Variants in GXYLT1 observed in about 807,000 individuals in gnomAD.
GXYLT1 encodes the protein glycosyltransferase 8 domain containing 3.
Under a neutral mutation model 54.0 loss-of-function variants are expected in GXYLT1, and 29 were observed. The observed-to-expected ratio is 0.54, with a 90% CI of 0.40 to 0.73. The LOEUF is 0.73. GXYLT1 is among the 30% of genes least tolerant of loss of function. The probability of loss-of-function intolerance (pLI) is 0.00; values close to 1 mark genes in which losing one functional copy is unlikely to be tolerated. For missense variants in GXYLT1, 490 were observed against 553.4 expected (o/e 0.89, Z 1.15); for synonymous variants, 176 against 204.1 (o/e 0.86, Z 1.17).
chr12:42,089,124 T>G (rs2065314473), intron 7 of GXYLT1, among the ~76,000 whole-genome samples: 1 of 151,840 alleles, frequency 6.6e-6, no homozygotes, highest in African/African-American at 2.4e-5. Flanking sequence ...CGTCTAAAAT[T>G]GTTTTGAAGA....
intron 5 of GXYLT1, among the ~76,000 whole-genome samples, chr12:42,103,573 TA>T (rs1565568859): frequency 6.6e-6 from 1 of 152,046 alleles, no homozygotes; most frequent in Non-Finnish European, 1.5e-5. Context: ...TCAAGAAAAA[TA>T]AAAATATATG....
chr12:42,127,517 G>A (rs1022666973), intron 2 of GXYLT1, among the ~76,000 whole-genome samples: 1 of 152,156 alleles, frequency 6.6e-6, no homozygotes, highest in Non-Finnish European at 1.5e-5. Flanking sequence ...GAATACTTGG[G>A]AGCATTAGGA....
At position 42,104,571 on chromosome 12, in the gene GXYLT1, A is replaced by C. The variant is rs909643284; in HGVS notation, c.864+1247T>G. 2.7e-5 allele frequency among the ~76,000 whole-genome samples: 4 copies of C among 145,790 alleles called. No individual in the cohort carries two copies. In the East Asian group the frequency reaches 6.0e-4, roughly 22 times the overall value. On this transcript the variant is annotated intron_variant, in intron 5 of 7. Coordinates refer to ENST00000398675, the MANE Select transcript of GXYLT1 (RefSeq NM_173601.2). ...AAAGGGAAAGCTAAAAAAAAAAAAA[A>C]CTAAGTTTAAGATCAACAGAATAGA...
At chr12:42,099,821 G>A (rs911996224) in intron 5 of GXYLT1, among the ~76,000 whole-genome samples, 9 of 152,182 alleles carry the variant, frequency 5.9e-5, no homozygotes, top group Middle Eastern at 3.4e-3. Flanking sequence ...ACTGCACTCC[G>A]GCATGGGTAA....
At chr12:42,110,149 T>C (rs1432834156) in intron 3 of GXYLT1, among the ~76,000 whole-genome samples, 1 of 152,228 alleles carries the variant, frequency 6.6e-6, no homozygotes, top group Non-Finnish European at 1.5e-5. Context: ...AATGCATAGC[T>C]TTAATATGCC....
chr12:42,089,472 A>C (rs2065316817), intron 7 of GXYLT1, among the ~76,000 whole-genome samples: 1 of 152,188 alleles, frequency 6.6e-6, no homozygotes. Context: ...TGTACCCTAG[A>C]ACTTAAAGTA....
At chr12:42,129,395 G>C (rs564474438) in intron 2 of GXYLT1, among the ~76,000 whole-genome samples, 25 of 152,170 alleles carry the variant, frequency 1.6e-4, no homozygotes, top group African/African-American at 5.8e-4. Flanking sequence ...ATCCACTATA[G>C]TACACAAGCT....
At chr12:42,118,968 T>C (rs2136905154) in intron 3 of GXYLT1, 32 bp downstream of exon 3, 1 of 1,467,054 alleles carries the variant, frequency 6.8e-7, no homozygotes, top group Non-Finnish European at 9.3e-7. Context: ...AATATTCAAC[T>C]CTACAACCTT....
At chr12:42,091,436 A>G (rs1039162327) in intron 7 of GXYLT1, among the ~76,000 whole-genome samples, 52 of 152,314 alleles carry the variant, frequency 3.4e-4, no homozygotes, top group African/African-American at 1.3e-3. Context: ...TACTCAAAGG[A>G]AACAAAGGAA....
intron 1 of GXYLT1, among the ~76,000 whole-genome samples, chr12:42,131,630 A>G (rs2065594480): frequency 6.6e-6 from 1 of 152,252 alleles, no homozygotes; most frequent in Non-Finnish European, 1.5e-5. Context: ...ACATATCTTC[A>G]TTTAAAAGGC....
intron 1 of GXYLT1, among the ~76,000 whole-genome samples, chr12:42,135,992 G>C (rs1042133613): frequency 1.3e-5 from 2 of 152,122 alleles, no homozygotes; most frequent in Non-Finnish European, 2.9e-5. Context: ...GGAAATATAA[G>C]AACACATGCA....
intron 5 of GXYLT1, among the ~76,000 whole-genome samples, chr12:42,098,849 T>C (rs2065373663): frequency 6.7e-6 from 1 of 149,970 alleles, no homozygotes; most frequent in Admixed American, 6.7e-5. Flanking sequence ...TGTTCCTATG[T>C]ATGCTATTTC....
chr12:42,092,779 T>G (rs1266396525), intron 7 of GXYLT1, among the ~76,000 whole-genome samples: 1 of 152,150 alleles, frequency 6.6e-6, no homozygotes, highest in African/African-American at 2.4e-5. Flanking sequence ...GTGTCCAATC[T>G]TTTGGCTTCC....
intron 1 of GXYLT1, among the ~76,000 whole-genome samples, chr12:42,130,898 G>C (rs75638158): frequency 0.024 from 3,657 of 152,210 alleles, 146 homozygotes; most frequent in African/African-American, 0.084. Context: ...AATAAGCTGT[G>C]ACTGTGCTAC....
At chr12:42,118,545 A>C (rs963582315) in intron 3 of GXYLT1, among the ~76,000 whole-genome samples, 1 of 152,182 alleles carries the variant, frequency 6.6e-6, no homozygotes, top group Non-Finnish European at 1.5e-5. Flanking sequence ...CAGAATAAAT[A>C]TTTTTGTGCA....
intron 3 of GXYLT1, among the ~76,000 whole-genome samples, chr12:42,112,990 GAA>G (rs2065468460): frequency 6.6e-6 from 1 of 151,174 alleles, no homozygotes; most frequent in Non-Finnish European, 1.5e-5. Context: ...CATTCTTAAA[GAA>G]AAGTATTTTC....
At position 42,087,856 on chromosome 12, in the gene GXYLT1, T is replaced by C. The variant is rs1379921319; in HGVS notation, c.1253A>G (p.Tyr418Cys). ...TGCTAGTTGTTTGATAAATATTTTG[T>C]AAATTTTTCCACAGTATGTATGCAC... ...KTVHTYCGKI[Y>C]KIFIKQLAKS... Residue 418 changes from tyrosine (Y) to cysteine (C), a missense_variant, in exon 8 of 8, where the codon TAC becomes TGC. Tyr to Cys is a radical substitution (Grantham distance 194, BLOSUM62 -2). This residue lies in a region of GXYLT1 where 342 missense variants were observed against 342.6 expected (regional missense o/e 1.00). Coordinates refer to ENST00000398675, the MANE Select transcript of GXYLT1 (RefSeq NM_173601.2). 1 of 1,605,364 alleles carries C rather than the reference T, an allele frequency of 6.2e-7. No homozygotes were observed. The highest frequency in any genetic ancestry group is 2.2e-5 in the East Asian group (1 of 44,682).
At chr12:42,106,211 C>G in intron 4 of GXYLT1, 142 bp from the exon 5 acceptor site, 1 of 573,088 alleles carries the variant, frequency 1.7e-6, no homozygotes, top group South Asian at 2.8e-5. Context: ...CTAAATCTGT[C>G]ATTTTTAACA....
Position 42,087,704 on chromosome 12 carries a change from G to A in GXYLT1, c.*82C>T. On this transcript the variant is annotated 3_prime_UTR_variant, in exon 8 of 8. Coordinates refer to ENST00000398675, the MANE Select transcript of GXYLT1 (RefSeq NM_173601.2). ...TTCTGGAGATGAGTAATTCCTTCCTGAATACTTCATCCAAGACGATTCCTT... is the reference window on the plus strand; with the variant it reads ...TTCTGGAGATGAGTAATTCCTTCCTAAATACTTCATCCAAGACGATTCCTT... 9.9e-7 allele frequency: 1 copy of A among 1,007,284 alleles called. No individual in the cohort carries two copies. The highest frequency in any genetic ancestry group is 1.4e-6 in the Non-Finnish European group (1 of 700,972). The allele number at this position is 1,007,284 out of a possible 1,614,324, so 62.4% of individuals were successfully genotyped here. A position where few individuals can be genotyped will look rare whatever the true frequency, so the allele number is the denominator to read the frequency against.
Sources: allele counts gnomAD v4.1 joint callset (sites outside exome capture counted in the v4.1 genomes callset), GRCh38; gene constraint gnomAD v4.1.1; regional missense constraint gnomAD v4.1.1; transcripts MANE v1.5; gene names NCBI Gene and HGNC (gene_info 2026-07-23, HGNC 2026-07-21).